The following GRB10 variants were observed in gnomAD, a reference collection of about 807,000 sequenced individuals.
GRB10 encodes growth factor receptor-bound protein 10.
In GRB10, 20 loss-of-function variants were observed where a neutral mutation model predicts 80.9. The ratio of observed to expected loss-of-function variants is 0.25; its 90% CI spans 0.17 to 0.36. The LOEUF (loss-of-function observed/expected upper bound fraction) is 0.36. Ranked by LOEUF, GRB10 falls within the 10% of genes least tolerant of loss-of-function variation. GRB10 has a pLI of 1.00. For synonymous variants in GRB10, 291 were observed against 291.5 expected (o/e 1.00, Z 0.02); for missense variants, 548 against 747.7 (o/e 0.73, Z 3.12).
At chr7:50,678,577 C>G (rs929365848) in intron 5 of GRB10, among the ~76,000 whole-genome samples, 2 of 152,228 alleles carry the variant, frequency 1.3e-5, no homozygotes, top group African/African-American at 4.8e-5. Context: ...GTAAGCTTCA[C>G]TAAATTCTAA....
At chr7:50,716,240 C>G (rs1352362190) in intron 4 of GRB10, among the ~76,000 whole-genome samples, 1 of 152,192 alleles carries the variant, frequency 6.6e-6, no homozygotes, top group Non-Finnish European at 1.5e-5. Context: ...AGGGTCCTGC[C>G]TCAACAGTGG....
intron 15 of GRB10, 24 bp downstream of exon 15, chr7:50,605,266 G>A: frequency 6.3e-7 from 1 of 1,574,804 alleles, no homozygotes; most frequent in Non-Finnish European, 8.7e-7. Context: ...TGCCCCTCCA[G>A]GCTGGCCAGG....
At position 50,780,620 on chromosome 7, in the gene GRB10, T is replaced by C. The variant is rs1441658544; in HGVS notation, c.-217+7A>G. ...GTAGCTCAGAGCTGGGGCCTGGGGA[T>C]ACATACCGAGAGGCAGTCAGCTCTG... On this transcript the variant is annotated splice_region_variant and intron_variant, in intron 2 of 18. Coordinates refer to ENST00000401949, the MANE Select transcript of GRB10 (RefSeq NM_001350814.2). The C allele has an allele frequency of 6.6e-6, 1 of 152,204 alleles. No individual in the cohort carries two copies. Among genetic ancestry groups the C allele is most frequent in the Non-Finnish European group, 1.5e-5 (1 of 68,036 alleles). 9.4% of individuals were successfully genotyped at this position (152,204 alleles called of 1,614,324 possible).
rs934761653 is a variant in GRB10, at chr7:50,697,482, T to C, written c.139+6339A>G. Among the ~76,000 whole-genome samples the C allele has an allele frequency of 3.3e-5, 5 of 152,264 alleles. No homozygotes were observed. The East Asian group carries it at 9.6e-4, about 29-fold the overall frequency. On this transcript the variant is annotated intron_variant, in intron 5 of 18. Coordinates refer to ENST00000401949, the MANE Select transcript of GRB10 (RefSeq NM_001350814.2). Reference sequence around the variant, plus strand: ...CTGCTTACATTAGTTAGGAACAAGGTAATAAAACAGGAGCAATAAATCCTC... The same window carrying C: ...CTGCTTACATTAGTTAGGAACAAGGCAATAAAACAGGAGCAATAAATCCTC...
chr7:50,696,905 C>T (rs1396224188), intron 5 of GRB10, among the ~76,000 whole-genome samples: 3 of 152,142 alleles, frequency 2.0e-5, no homozygotes, highest in Admixed American at 1.3e-4. Flanking sequence ...GTGGAGGCAA[C>T]CCAAGTGTCC....
rs1385422578 is a variant in GRB10, at chr7:50,611,607, C to T, written c.1194+1134G>A. 2.6e-5 allele frequency among the ~76,000 whole-genome samples: 4 copies of T among 152,240 alleles called. No individual in the cohort carries two copies. In the East Asian group the frequency reaches 7.7e-4, roughly 29 times the overall value. On this transcript the variant is annotated intron_variant, in intron 13 of 18. Transcript: ENST00000401949. ...CTATAAAAATGGCACTAGGATGTAT[C>T]CTTAATGTCTCTGGAATCTGTGGAT... is the stretch of plus-strand genomic sequence containing the variant.
intron 4 of GRB10, among the ~76,000 whole-genome samples, chr7:50,728,056 G>A (rs1434853595): frequency 6.6e-6 from 1 of 152,110 alleles, no homozygotes; most frequent in East Asian, 1.9e-4. Context: ...ACCATTTTAG[G>A]TAAATGTCCT....
chr7:50,765,582 T>C (rs2153706868), intron 2 of GRB10, among the ~76,000 whole-genome samples: 1 of 152,302 alleles, frequency 6.6e-6, no homozygotes, highest in South Asian at 2.1e-4. Flanking sequence ...GTGCAAGCTA[T>C]GAAGTGGATC....
intron 17 of GRB10, among the ~76,000 whole-genome samples, chr7:50,600,714 T>A (rs1033751089): frequency 2.0e-5 from 3 of 152,132 alleles, no homozygotes; most frequent in Admixed American, 2.0e-4. Flanking sequence ...ACAAAAAATG[T>A]AAACAGGGTA....
At chr7:50,669,266 A>T (rs2060115847) in intron 7 of GRB10, among the ~76,000 whole-genome samples, 1 of 152,254 alleles carries the variant, frequency 6.6e-6, no homozygotes, top group Non-Finnish European at 1.5e-5. Flanking sequence ...AGCCTGTACA[A>T]GAATCATGGT....
chr7:50,662,628 T>C (rs1179021952), intron 7 of GRB10, among the ~76,000 whole-genome samples: 1 of 152,224 alleles, frequency 6.6e-6, no homozygotes, highest in Non-Finnish European at 1.5e-5. Flanking sequence ...TCTAGTTGGC[T>C]GTGTGACTCC....
intron 5 of GRB10, among the ~76,000 whole-genome samples, chr7:50,690,703 G>C (rs2062719169): frequency 1.3e-5 from 2 of 152,182 alleles, no homozygotes; most frequent in Admixed American, 1.3e-4. Flanking sequence ...AAAGACACAG[G>C]GAAACTGCGG....
At position 50,672,538 on chromosome 7, in the gene GRB10, T is replaced by C. The variant is rs139543351; in HGVS notation, c.362+1898A>G. Among the ~76,000 whole-genome samples the C allele has an allele frequency of 4.7e-3, 710 of 152,154 alleles. 4 individuals carry two copies. The highest frequency in any genetic ancestry group is 0.017 in the African/African-American group (693 of 41,518). ...CTGAGAGGACACCAGAGAGAAGACA[T>C]TGGGCCCAAGGAACAGCACCTGTGA... On this transcript the variant is annotated intron_variant, in intron 6 of 18. Transcript: ENST00000401949.
intron 7 of GRB10, among the ~76,000 whole-genome samples, chr7:50,666,694 C>A (rs781651439): frequency 5.9e-5 from 9 of 152,104 alleles, no homozygotes; most frequent in African/African-American, 9.7e-5. Context: ...TCTCTGGACA[C>A]CAGCATCTGA....
At chr7:50,784,024 T>C (rs1395549379), upstream of GRB10, among the ~76,000 whole-genome samples, 1 of 152,214 alleles carries the variant, frequency 6.6e-6, no homozygotes, top group African/African-American at 2.4e-5. Flanking sequence ...AGGCTGGTTC[T>C]GAAAGCAGCC....
chr7:50,657,481 A>T (rs1444870450), intron 7 of GRB10, among the ~76,000 whole-genome samples: 1 of 152,206 alleles, frequency 6.6e-6, no homozygotes, highest in Non-Finnish European at 1.5e-5. Context: ...GTGAACAAAA[A>T]GAGAGGAATG....
chr7:50,710,964 C>CACG, intron 4 of GRB10: 1 of 1,463,108 alleles, frequency 6.8e-7, no homozygotes, highest in Non-Finnish European at 9.6e-7. Flanking sequence ...TGTCCTCAGC[C>CACG]TGCCCTGTGC....
chr7:50,623,573 C>T (rs2052299793), intron 8 of GRB10, among the ~76,000 whole-genome samples: 1 of 152,224 alleles, frequency 6.6e-6, no homozygotes, highest in African/African-American at 2.4e-5. Flanking sequence ...TGGAGGGTGA[C>T]CAGCATCTCA....
At chr7:50,641,067 G>A (rs950768757) in intron 7 of GRB10, among the ~76,000 whole-genome samples, 8 of 151,910 alleles carry the variant, frequency 5.3e-5, no homozygotes, top group South Asian at 4.2e-4. Flanking sequence ...TCCAGTGAGC[G>A]CCTACCACCG....
Sources: allele counts gnomAD v4.1 joint callset (sites outside exome capture counted in the v4.1 genomes callset), GRCh38; gene constraint gnomAD v4.1.1; transcripts MANE v1.5; gene names NCBI Gene and HGNC (gene_info 2026-07-23, HGNC 2026-07-21).